Variants in GOLGA4 observed in about 807,000 individuals in gnomAD.
GOLGA4 encodes the protein golgin subfamily A member 4.
A neutral mutation model predicts 265.9 loss-of-function variants in GOLGA4; 169 were observed. That is an observed-to-expected ratio of 0.64 (90% CI 0.56 to 0.72). The LOEUF (loss-of-function observed/expected upper bound fraction) is 0.72, where lower values mean the gene tolerates loss of function less well. Among genes scored for constraint, GOLGA4 ranks in the 30% least tolerant of loss-of-function variants. The pLI is 0.00. For synonymous variants in GOLGA4, 923 were observed against 855.8 expected, an observed-to-expected ratio of 1.08 and a Z score of -1.37; for missense variants, 2,482 against 2,483.4, an observed-to-expected ratio of 1.00 and a Z score of 0.01.
intron 3 of GOLGA4, among the ~76,000 whole-genome samples, chr3:37,283,161 A>G (rs2096839305): frequency 6.6e-6 from 1 of 152,154 alleles, no homozygotes; most frequent in African/African-American, 2.4e-5. Flanking sequence ...TTATCCTACA[A>G]CCAAAAACAA....
At chr3:37,269,230 C>G (rs754628241) in intron 2 of GOLGA4, among the ~76,000 whole-genome samples, 3 of 152,294 alleles carry the variant, frequency 2.0e-5, no homozygotes, top group Non-Finnish European at 4.4e-5. Flanking sequence ...GCTAGTTCTA[C>G]AGGCACCTCG....
chr3:37,295,356 A>G (rs1241153078), intron 6 of GOLGA4, among the ~76,000 whole-genome samples: 1 of 152,064 alleles, frequency 6.6e-6, no homozygotes, highest in East Asian at 1.9e-4. Context: ...GTGGCTGGGA[A>G]TACAGGCATA....
At chr3:37,252,737 G>T (rs1217814193) in intron 2 of GOLGA4, among the ~76,000 whole-genome samples, 3 of 152,138 alleles carry the variant, frequency 2.0e-5, no homozygotes, top group Non-Finnish European at 4.4e-5. Context: ...TAACGAGATT[G>T]AGCATTTACA....
intron 23 of GOLGA4, among the ~76,000 whole-genome samples, chr3:37,363,921 C>A (rs1216684053): frequency 6.6e-6 from 1 of 152,000 alleles, no homozygotes; most frequent in Non-Finnish European, 1.5e-5. Context: ...AATTTTGTTT[C>A]CCACAACAGA....
chr3:37,243,451 C>A lies in GOLGA4; in HGVS notation c.-100C>A. On this transcript the variant is annotated 5_prime_UTR_variant, in exon 1 of 24. Transcript: ENST00000361924. ...GACGGCGAGGCCCGGCCCCCGCTGT[C>A]CCTGGTGTAAAGAAGTCGCCGTAGC... The A allele has an allele frequency of 2.0e-6, 2 of 992,016 alleles. No individual in the cohort carries two copies. Among genetic ancestry groups the A allele is most frequent in the Non-Finnish European group, 3.2e-6 (2 of 619,438 alleles). 61.5% of individuals were successfully genotyped at this position (992,016 alleles called of 1,614,324 possible).
At chr3:37,362,197 TTTTATTTA>T (rs144532752) in intron 23 of GOLGA4, among the ~76,000 whole-genome samples, 2,264 of 135,382 alleles carry the variant, frequency 0.017, 28 homozygotes, top group Middle Eastern at 0.026. Flanking sequence ...TCTTTTAAGC[TTTTATTTA>T]TTTATTTATT....
At chr3:37,285,765 G>A (rs1246028690) in intron 3 of GOLGA4, among the ~76,000 whole-genome samples, 1 of 152,230 alleles carries the variant, frequency 6.6e-6, no homozygotes, top group Non-Finnish European at 1.5e-5. Flanking sequence ...CTGTGAATTA[G>A]GTACTGAAAT....
chr3:37,364,049 A>G (rs1481886415), intron 23 of GOLGA4, among the ~76,000 whole-genome samples: 1 of 152,168 alleles, frequency 6.6e-6, no homozygotes, highest in East Asian at 1.9e-4. Context: ...TTTATAAATA[A>G]TATACTATTA....
chr3:37,314,682 C>CACACA (rs148252805), intron 10 of GOLGA4, among the ~76,000 whole-genome samples: 3 of 142,578 alleles, frequency 2.1e-5, no homozygotes, highest in Non-Finnish European at 4.7e-5. Flanking sequence ...CACACACACA[C>CACACA]GAAAAAAACC....
At chr3:37,316,286 C>A (rs1051360904) in intron 11 of GOLGA4, among the ~76,000 whole-genome samples, 1 of 151,500 alleles carries the variant, frequency 6.6e-6, no homozygotes, top group Non-Finnish European at 1.5e-5. Context: ...TTACTGACTC[C>A]CCATTTATAT....
At chr3:37,359,607 C>T (rs1219804899) in intron 22 of GOLGA4, among the ~76,000 whole-genome samples, 1 of 151,802 alleles carries the variant, frequency 6.6e-6, no homozygotes, top group African/African-American at 2.4e-5. Context: ...TGTTGACTCT[C>T]CTTCAACTTT....
At chr3:37,276,537 A>G (rs2096819549) in intron 2 of GOLGA4, 1 of 1,601,848 alleles carries the variant, frequency 6.2e-7, no homozygotes, top group South Asian at 1.1e-5. Context: ...CGTAGTGCTG[A>G]TGAACCAGTG....
At chr3:37,272,903 A>G (rs1283083801) in intron 2 of GOLGA4, among the ~76,000 whole-genome samples, 3 of 152,224 alleles carry the variant, frequency 2.0e-5, no homozygotes, top group African/African-American at 7.2e-5. Flanking sequence ...CTCATCTAGT[A>G]TCATGAAATC....
At chr3:37,245,656 G>C (rs751578707) in intron 1 of GOLGA4, among the ~76,000 whole-genome samples, 3 of 152,154 alleles carry the variant, frequency 2.0e-5, no homozygotes, top group Non-Finnish European at 4.4e-5. Flanking sequence ...TAAGAGCTCT[G>C]TTTCTATAGC....
rs140614838 is a variant in GOLGA4, at chr3:37,293,049, G to T, written c.583-1930G>T. Among the ~76,000 whole-genome samples, 564 of 152,354 alleles carry T rather than the reference G, an allele frequency of 3.7e-3. 3 individuals carry two copies. Among genetic ancestry groups the T allele is most frequent in the Non-Finnish European group, 6.9e-3 (468 of 68,030 alleles). On this transcript the variant is annotated intron_variant, in intron 5 of 23. Coordinates refer to ENST00000361924, the MANE Select transcript of GOLGA4 (RefSeq NM_002078.5). ...TGAGAATTAATAAGTTTGAAACAAT[G>T]TAAGAAGAGGGAGTTGCTTATAATT...
At chr3:37,262,228 G>A (rs1047007424) in intron 2 of GOLGA4, among the ~76,000 whole-genome samples, 4 of 152,104 alleles carry the variant, frequency 2.6e-5, no homozygotes, top group East Asian at 1.9e-4. Flanking sequence ...GAAATTGGCC[G>A]GGCGTGGTGG....
intron 2 of GOLGA4, among the ~76,000 whole-genome samples, chr3:37,252,934 A>T (rs2096738035): frequency 6.6e-6 from 1 of 152,016 alleles, no homozygotes; most frequent in South Asian, 2.1e-4. Flanking sequence ...CATTTTAATG[A>T]TGTCCTTTGA....
chr3:37,336,246 G>A (rs971582397), intron 17 of GOLGA4, among the ~76,000 whole-genome samples: 11 of 152,012 alleles, frequency 7.2e-5, no homozygotes, highest in African/African-American at 2.4e-4. Flanking sequence ...ATTTAGTCAT[G>A]TAGTCATGAC....
chr3:37,259,156 A>G (rs1164562908), intron 2 of GOLGA4, among the ~76,000 whole-genome samples: 1 of 152,122 alleles, frequency 6.6e-6, no homozygotes, highest in Non-Finnish European at 1.5e-5. Flanking sequence ...TCTACTTTTT[A>G]TAGCTCTGTT....
Sources: gnomAD v4.1 joint callset for allele counts (sites outside exome capture counted in the v4.1 genomes callset) on GRCh38, gnomAD v4.1.1 for gene constraint, MANE v1.5 for transcripts, NCBI Gene and HGNC (gene_info 2026-07-23, HGNC 2026-07-21) for gene names.